GABRA5: variants seen among roughly 807,000 people sequenced by gnomAD.
The protein encoded by GABRA5 is gamma-aminobutyric acid type A receptor subunit alpha5.
In GABRA5, 18 loss-of-function variants were observed where a neutral mutation model predicts 47.3. The observed-to-expected ratio is 0.38, with a 90% CI of 0.26 to 0.56. GABRA5 has a LOEUF of 0.56. GABRA5 is among the 20% of genes least tolerant of loss of function. The pLI, the probability that GABRA5 is intolerant of heterozygous loss-of-function variation, is 0.71. For synonymous variants in GABRA5, 237 were observed against 229.3 expected (o/e 1.03, Z -0.30); for missense variants, 365 against 599.3 (o/e 0.61, Z 4.08).
chr15:26,891,542 C>T (rs1210612981), intron 6 of GABRA5, among the ~76,000 whole-genome samples: 1 of 152,176 alleles, frequency 6.6e-6, no homozygotes, highest in Non-Finnish European at 1.5e-5. Flanking sequence ...CACGAGGTGG[C>T]GCCGTGGCCT....
intron 6 of GABRA5, among the ~76,000 whole-genome samples, chr15:26,894,805 C>A (rs941463028): frequency 2.6e-5 from 4 of 152,138 alleles, no homozygotes; most frequent in Admixed American, 2.6e-4. Context: ...AGGCACAGTC[C>A]GGCCGCAGAA....
intron 7 of GABRA5, among the ~76,000 whole-genome samples, chr15:26,927,424 A>G (rs79620947): frequency 0.16 from 23,646 of 152,070 alleles, 2,210 homozygotes; most frequent in East Asian, 0.37. Context: ...TCTGCCTGCT[A>G]TTGAGATTGA....
At chr15:26,911,371 G>GCACACACACA (rs111798012) in intron 6 of GABRA5, among the ~76,000 whole-genome samples, 1,210 of 118,382 alleles carry the variant, frequency 0.01, 10 homozygotes, top group Admixed American at 0.023. Flanking sequence ...CTTGCTGCAT[G>GCACACACACA]CACACACACA....
At chr15:26,908,906 C>T (rs1893512031) in intron 6 of GABRA5, among the ~76,000 whole-genome samples, 1 of 152,212 alleles carries the variant, frequency 6.6e-6, no homozygotes, top group Non-Finnish European at 1.5e-5. Context: ...ATTTATTTGT[C>T]ACCTTTGTGA....
chr15:26,947,877 G>A, intron 10 of GABRA5, 57 bp from the exon 11 acceptor site: 13 of 1,462,170 alleles, frequency 8.9e-6, no homozygotes, highest in South Asian at 1.3e-5. Context: ...GAACTCCAAG[G>A]TGAGCTGACC....
At chr15:26,880,686 T>C (rs1035020513) in intron 3 of GABRA5, 160 bp from the exon 4 acceptor site, 1 of 608,840 alleles carries the variant, frequency 1.6e-6, no homozygotes, top group African/African-American at 1.9e-5. Flanking sequence ...AACTGAGGTG[T>C]ATCAAGGCCA....
chr15:26,881,653 TC>T (rs1176323890), intron 4 of GABRA5, among the ~76,000 whole-genome samples: 1 of 152,198 alleles, frequency 6.6e-6, no homozygotes, highest in Non-Finnish European at 1.5e-5. Flanking sequence ...GTAGACACTT[TC>T]CAGTGAATAC....
intron 7 of GABRA5, among the ~76,000 whole-genome samples, chr15:26,917,270 A>G (rs1349707430): frequency 6.6e-6 from 1 of 152,042 alleles, no homozygotes; most frequent in African/African-American, 2.4e-5. Context: ...TGTATCGAGA[A>G]TTTTTATCAT....
intron 6 of GABRA5, among the ~76,000 whole-genome samples, chr15:26,886,431 G>A (rs2037498366): frequency 6.6e-6 from 1 of 152,182 alleles, no homozygotes; most frequent in South Asian, 2.1e-4. Context: ...GGAAGAGGCA[G>A]GAATGGGGCC....
chr15:26,939,419 C>A, intron 8 of GABRA5: 1 of 765,174 alleles, frequency 1.3e-6, no homozygotes, highest in South Asian at 1.3e-5. Context: ...GGACCCAGAG[C>A]CTCCTGAGCT....
intron 7 of GABRA5, among the ~76,000 whole-genome samples, chr15:26,930,878 CT>C (rs1894086112): frequency 6.9e-6 from 1 of 145,844 alleles, no homozygotes; most frequent in Non-Finnish European, 1.5e-5. Flanking sequence ...TTTCTTTTTT[CT>C]TTCTTTCTTT....
At chr15:26,926,033 C>A (rs1439977931) in intron 7 of GABRA5, among the ~76,000 whole-genome samples, 2 of 152,188 alleles carry the variant, frequency 1.3e-5, no homozygotes, top group Non-Finnish European at 2.9e-5. Context: ...GGATTTTGCA[C>A]CTCACTCTCC....
At chr15:26,901,664 A>C (rs1893330122) in intron 6 of GABRA5, among the ~76,000 whole-genome samples, 1 of 152,130 alleles carries the variant, frequency 6.6e-6, no homozygotes, top group Non-Finnish European at 1.5e-5. Flanking sequence ...ATTTTAATGA[A>C]ATTTGGCTTA....
chr15:26,900,100 A>G (rs1238695095), intron 6 of GABRA5, among the ~76,000 whole-genome samples: 1 of 152,102 alleles, frequency 6.6e-6, no homozygotes, highest in Non-Finnish European at 1.5e-5. Flanking sequence ...TAACATCTAA[A>G]TTTATAACAA....
At chr15:26,894,154 C>A (rs12913744) in intron 6 of GABRA5, among the ~76,000 whole-genome samples, 124,965 of 152,106 alleles carry the variant, frequency 0.82, 51,970 homozygotes, top group Non-Finnish European at 0.9. Context: ...CGGACCTGGG[C>A]CCGGACTCTG....
Position 26,937,262 on chromosome 15 carries a change from T to C in GABRA5, c.658T>C (p.Ser220Pro). The C allele has an allele frequency of 6.2e-7, 1 of 1,613,846 alleles. No individual in the cohort carries two copies. The highest frequency in any genetic ancestry group is 8.5e-7 in the Non-Finnish European group (1 of 1,179,838). The change falls in exon 8 of 11, where the codon TCC (serine) becomes CCC (proline). Residue 220 changes from serine (S) to proline (P), a missense_variant. Coordinates refer to ENST00000335625, the MANE Select transcript of GABRA5 (RefSeq NM_000810.4). ...TKSVVVAEDG[S>P]RLNQYHLMGQ... is the part of the protein sequence containing the mutation. Reference sequence around the variant, plus strand: ...GTCGGTGGTGGTGGCGGAAGATGGCTCCAGACTGAACCAGTACCACCTGAT... The same window carrying C: ...GTCGGTGGTGGTGGCGGAAGATGGCCCCAGACTGAACCAGTACCACCTGAT...
At chr15:26,944,285 A>G (rs889535205) in intron 10 of GABRA5, among the ~76,000 whole-genome samples, 1 of 152,210 alleles carries the variant, frequency 6.6e-6, no homozygotes, top group Non-Finnish European at 1.5e-5. Flanking sequence ...ACCTGCTTCC[A>G]TCCCATCCAC....
At position 26,943,339 on chromosome 15, in the gene GABRA5, G is replaced by C. The variant is rs753529884; in HGVS notation, c.1002G>C (p.Ala334=). ...IAVCYAFVFS[A]LIEFATVNYF... is the part of the protein sequence containing the mutation. ...TGTGCTATGCCTTCGTCTTCTCGGCGCTGATAGAGTTTGCCACGGTCAATT... is the reference window on the plus strand; with the variant it reads ...TGTGCTATGCCTTCGTCTTCTCGGCCCTGATAGAGTTTGCCACGGTCAATT... The change falls in exon 10 of 11, where the codon GCG becomes GCC. Residue 334 remains alanine (A), a synonymous_variant. Transcript: ENST00000335625. 3 of 1,596,108 alleles carry C rather than the reference G, an allele frequency of 1.9e-6. No individual in the cohort carries two copies. The South Asian group carries it at 3.4e-5, about 18-fold the overall frequency.
chr15:26,943,062 C>T (rs41301773), intron 9 of GABRA5, among the ~76,000 whole-genome samples, 153 bp from the exon 10 acceptor site: 2,730 of 152,214 alleles, frequency 0.018, 29 homozygotes, highest in Non-Finnish European at 0.025. Flanking sequence ...CCAGCCTGGG[C>T]GACAGAGCAA....
Sources: gnomAD v4.1 joint callset for allele counts (sites outside exome capture counted in the v4.1 genomes callset) on GRCh38, gnomAD v4.1.1 for gene constraint, MANE v1.5 for transcripts, NCBI Gene and HGNC (gene_info 2026-07-23, HGNC 2026-07-21) for gene names.